The following CHIC2 variants were observed in gnomAD, a reference collection of about 807,000 sequenced individuals.
The protein encoded by CHIC2 is cysteine-rich hydrophobic domain-containing protein 2.
CHIC2 carries 14 observed loss-of-function variants against 25.9 expected under a neutral mutation model. The observed-to-expected ratio is 0.54, with a 90% CI of 0.36 to 0.85. The LOEUF is 0.85. Ranked by LOEUF, CHIC2 falls within the 40% of genes least tolerant of loss-of-function variation. CHIC2 has a pLI of 0.01. For synonymous variants in CHIC2, 70 were observed against 72.0 expected (o/e 0.97, Z 0.14); for missense variants, 146 against 202.0 (o/e 0.72, Z 1.68).
chr4:54,050,077 C>T (rs1716953514), intron 1 of CHIC2, among the ~76,000 whole-genome samples: 1 of 152,050 alleles, frequency 6.6e-6, no homozygotes, highest in Non-Finnish European at 1.5e-5. Context: ...AGAAGTCTAC[C>T]AGTACTTGGA....
chr4:54,023,080 C>T (rs371183552), intron 3 of CHIC2, among the ~76,000 whole-genome samples: 7 of 152,014 alleles, frequency 4.6e-5, no homozygotes, highest in African/African-American at 4.8e-5. Flanking sequence ...TAATTCCTTT[C>T]GCCACTCCTC....
chr4:54,053,340 TGAG>T (rs1717065532), intron 1 of CHIC2, among the ~76,000 whole-genome samples: 1 of 152,114 alleles, frequency 6.6e-6, no homozygotes, highest in Admixed American at 6.6e-5. Context: ...GTGGATCACC[TGAG>T]GTCAGGAGTT....
chr4:54,046,725 G>A (rs1020525118), intron 3 of CHIC2, among the ~76,000 whole-genome samples: 3 of 152,142 alleles, frequency 2.0e-5, no homozygotes, highest in East Asian at 1.9e-4. Flanking sequence ...TTACCATTCA[G>A]GACATAGGCA....
At chr4:54,050,177 T>C (rs1716959970) in intron 1 of CHIC2, among the ~76,000 whole-genome samples, 1 of 152,106 alleles carries the variant, frequency 6.6e-6, no homozygotes, top group Admixed American at 6.5e-5. Flanking sequence ...GCTTCCTTTG[T>C]TTCCTTAAGA....
At chr4:54,023,004 A>G (rs888528292) in intron 3 of CHIC2, among the ~76,000 whole-genome samples, 8 of 151,678 alleles carry the variant, frequency 5.3e-5, no homozygotes, top group African/African-American at 1.7e-4. Flanking sequence ...CATATACTCT[A>G]TCCTCAATAC....
chr4:54,065,238 A>ATTT (rs368744053), upstream of CHIC2: 80 of 644,920 alleles, frequency 1.2e-4, no homozygotes, highest in South Asian at 1.4e-4. Flanking sequence ...CGATGCTGGT[A>ATTT]TTTTTTTTTT....
chr4:54,020,086 C>T (rs1477136227), intron 3 of CHIC2, among the ~76,000 whole-genome samples: 1 of 152,084 alleles, frequency 6.6e-6, no homozygotes, highest in Non-Finnish European at 1.5e-5. Flanking sequence ...TACTGTCAGG[C>T]CTCTGAGCCC....
At chr4:54,059,500 C>A (rs1717269169) in intron 1 of CHIC2, 1 of 151,598 alleles carries the variant, frequency 6.6e-6, no homozygotes, top group East Asian at 1.9e-4. Flanking sequence ...GTGATCAGGC[C>A]CCTGCCCACC....
chr4:54,049,303 A>C lies in CHIC2; in HGVS notation c.122T>G (p.Phe41Cys). Residue 41 changes from phenylalanine to cysteine, a missense_variant and splice_region_variant, in exon 2 of 6, where the codon TTT becomes TGT. By Grantham distance (205) the Phe-to-Cys change is radical (BLOSUM62 -2). Transcript: ENST00000263921. ...AGATTCAAATTTGTTGCTCAGTCCA[A>C]ATCTATTTTAAAAAATAAGAAGAAT... ...VVRGSGHVTV[F>C]GLSNKFESEF... 6.3e-7 allele frequency: 1 copy of C among 1,574,810 alleles called. No homozygotes were observed. The highest frequency in any genetic ancestry group is 8.7e-7 in the Non-Finnish European group (1 of 1,154,256).
chr4:54,035,904 C>T (rs189402463), intron 3 of CHIC2, among the ~76,000 whole-genome samples: 6 of 152,296 alleles, frequency 3.9e-5, no homozygotes, highest in Admixed American at 3.3e-4. Context: ...GTGTTTTAAT[C>T]TTCATTTAAT....
intron 3 of CHIC2, among the ~76,000 whole-genome samples, chr4:54,022,693 GCA>G (rs994221824): frequency 6.6e-6 from 1 of 151,546 alleles, no homozygotes; most frequent in Non-Finnish European, 1.5e-5. Flanking sequence ...CCACCTTAAC[GCA>G]CAGGTACGGG....
chr4:54,079,201 A>G, the CHIC2 span, among the ~76,000 whole-genome samples: 3 of 152,124 alleles, frequency 2.0e-5, no homozygotes, highest in Non-Finnish European at 4.4e-5. Context: ...CCTAGGTGAC[A>G]GAGACTCCAT....
At chr4:54,066,274 T>C (rs1041980389), upstream of CHIC2, among the ~76,000 whole-genome samples, 1 of 152,202 alleles carries the variant, frequency 6.6e-6, no homozygotes, top group Non-Finnish European at 1.5e-5. Context: ...GCTCAGCAGA[T>C]TCAAGGGCTT....
At chr4:54,015,968 C>T (rs1046778061) in intron 3 of CHIC2, among the ~76,000 whole-genome samples, 2 of 152,204 alleles carry the variant, frequency 1.3e-5, no homozygotes, top group African/African-American at 4.8e-5. Flanking sequence ...CTACTCTGAG[C>T]AGGCATCTGC....
At chr4:54,055,840 T>G (rs1231382692) in intron 1 of CHIC2, among the ~76,000 whole-genome samples, 2 of 152,212 alleles carry the variant, frequency 1.3e-5, no homozygotes, top group African/African-American at 4.8e-5. Flanking sequence ...TGAATATCAA[T>G]GTAGCTCAAG....
chr4:54,048,408 T>C (rs922069885), intron 3 of CHIC2, among the ~76,000 whole-genome samples: 7 of 152,166 alleles, frequency 4.6e-5, no homozygotes, highest in African/African-American at 1.7e-4. Flanking sequence ...GAAAAGAATG[T>C]CCCATAATCT....
In CHIC2 at chr4:54,064,085, C is replaced by T. The variant is rs997758809; in HGVS notation, c.119+97G>A. ...GGTTGCCTACTCTTTCGGAAGGCCCCCGACACCAGACGGACACAGGGGAAA... is the reference window on the plus strand; with the variant it reads ...GGTTGCCTACTCTTTCGGAAGGCCCTCGACACCAGACGGACACAGGGGAAA... On this transcript the variant is annotated intron_variant, in intron 1 of 5. Coordinates refer to ENST00000263921, the MANE Select transcript of CHIC2 (RefSeq NM_012110.4). The surrounding 1 kb of genome is among the most constrained non-coding windows in gnomAD (Gnocchi z 4.2). The T allele has an allele frequency of 6.4e-6, 7 of 1,088,008 alleles. No homozygotes were observed. In the Admixed American group the frequency reaches 7.5e-5, roughly 12 times the overall value. The allele number at this position is 1,088,008 out of a possible 1,614,324, so 67.4% of individuals were successfully genotyped here.
the CHIC2 span, among the ~76,000 whole-genome samples, chr4:54,081,635 G>T: frequency 2.0e-5 from 3 of 152,090 alleles, no homozygotes; most frequent in Non-Finnish European, 4.4e-5. Flanking sequence ...TAATTTCTAT[G>T]GGGAGATAAA....
At chr4:54,054,366 CAT>C (rs972898964) in intron 1 of CHIC2, among the ~76,000 whole-genome samples, 13 of 152,148 alleles carry the variant, frequency 8.5e-5, no homozygotes, top group African/African-American at 3.1e-4. Flanking sequence ...TAAATTAAGA[CAT>C]GTTTTGAACT....
Sources: allele counts gnomAD v4.1 joint callset (sites outside exome capture counted in the v4.1 genomes callset), GRCh38; gene constraint gnomAD v4.1.1; non-coding constraint Gnocchi (gnomAD v3.1); transcripts MANE v1.5; gene names NCBI Gene and HGNC (gene_info 2026-07-23, HGNC 2026-07-21).